Variants in FLNB observed in about 807,000 individuals in gnomAD.
The protein encoded by FLNB is filamin-B.
Under a neutral mutation model 250.6 loss-of-function variants are expected in FLNB, and 111 were observed. The observed-to-expected ratio is 0.44, with a 90% CI of 0.38 to 0.52. The LOEUF (loss-of-function observed/expected upper bound fraction) is 0.52. Ranked by LOEUF, FLNB falls within the 20% of genes least tolerant of loss-of-function variation. FLNB has a pLI of 0.00. For missense variants in FLNB, 2,869 were observed against 3,447.8 expected, an observed-to-expected ratio of 0.83 and a Z score of 4.20; for synonymous variants, 1,302 against 1,372.1, an observed-to-expected ratio of 0.95 and a Z score of 1.13.
chr3:58,086,370 C>T (rs527501630), intron 4 of FLNB, among the ~76,000 whole-genome samples: 11 of 152,102 alleles, frequency 7.2e-5, no homozygotes, highest in Admixed American at 5.2e-4. Flanking sequence ...AAATCTTAAG[C>T]AAAAGAAAAA....
At chr3:58,062,686 A>G (rs896541371) in intron 1 of FLNB, among the ~76,000 whole-genome samples, 1 of 152,214 alleles carries the variant, frequency 6.6e-6, no homozygotes, top group Non-Finnish European at 1.5e-5. Context: ...CTGCCAGTTC[A>G]TTCAGCAGCT....
chr3:58,052,641 C>T lies in FLNB; in HGVS notation c.293-24405C>T, dbSNP rs143189774. On this transcript the variant is annotated intron_variant, in intron 1 of 45. Coordinates refer to ENST00000295956, the MANE Select transcript of FLNB (RefSeq NM_001457.4). ...GTGGTCATGACATCGGTGTGGATGG[C>T]AGGTTGTCATCTGAGCAGTCAGGGT... Among the ~76,000 whole-genome samples, 43 of 152,332 alleles carry T rather than the reference C, an allele frequency of 2.8e-4. No individual in the cohort carries two copies. The East Asian group carries it at 8.3e-3, about 29-fold the overall frequency.
At position 58,014,223 on chromosome 3, in the gene FLNB, A is replaced by G. The variant is rs528237902; in HGVS notation, c.292+5367A>G. On this transcript the variant is annotated intron_variant, in intron 1 of 45. Coordinates refer to ENST00000295956, the MANE Select transcript of FLNB (RefSeq NM_001457.4). Reference sequence around the variant, plus strand: ...GAAATCAGCGCGCTCTGGGGAGAACAGCTTGGTTGGCTAAGGTTGATCCTA... The same window carrying G: ...GAAATCAGCGCGCTCTGGGGAGAACGGCTTGGTTGGCTAAGGTTGATCCTA... Among the ~76,000 whole-genome samples, 4 of 152,360 alleles carry G rather than the reference A, an allele frequency of 2.6e-5. No homozygotes were observed. In the East Asian group the frequency reaches 7.7e-4, roughly 29 times the overall value.
chr3:58,154,219 T>C (rs891911306), intron 39 of FLNB, among the ~76,000 whole-genome samples: 3 of 152,182 alleles, frequency 2.0e-5, no homozygotes, highest in Non-Finnish European at 4.4e-5. Flanking sequence ...GCTGGGATTA[T>C]AGGCATGAGC....
At chr3:58,108,609 G>A (rs757544241) in intron 13 of FLNB, 38 bp downstream of exon 13, 41 of 1,366,342 alleles carry the variant, frequency 3.0e-5, no homozygotes, top group Non-Finnish European at 3.6e-5. Flanking sequence ...GTAATTGTCA[G>A]GTAACAAGAT....
At position 58,148,718 on chromosome 3, in the gene FLNB, C is replaced by T. The variant is rs759405975; in HGVS notation, c.5957C>T (p.Ala1986Val). The T allele has an allele frequency of 6.2e-7, 1 of 1,614,084 alleles. No homozygotes were observed. Among genetic ancestry groups the T allele is most frequent in the Non-Finnish European group, 8.5e-7 (1 of 1,179,994 alleles). The part of the protein sequence containing the change: ...VSIKKNGNHV[A>V]NSPVSIMVVQ... ...ATCAAGAAAAATGGCAACCATGTGG[C>T]CAACAGCCCCGTGTCTATCATGGTG... Residue 1986 changes from alanine to valine, a missense_variant, in exon 36 of 46, where the codon GCC (alanine) becomes GTC (valine). Physicochemically the swap from Ala to Val is moderately conservative, Grantham distance 64 (BLOSUM62 0). This residue lies in a region of FLNB where 1,084 missense variants were observed against 1,315.5 expected (regional missense o/e 0.82). Transcript: ENST00000295956.
intron 41 of FLNB, 141 bp downstream of exon 41, chr3:58,156,216 A>G (rs2107297634): frequency 2.9e-6 from 2 of 686,776 alleles, no homozygotes; most frequent in South Asian, 1.6e-5. Flanking sequence ...GTCACTGGGG[A>G]GCTTTCCTGT....
At chr3:58,079,193 T>C (rs923365356) in intron 3 of FLNB, among the ~76,000 whole-genome samples, 1 of 152,186 alleles carries the variant, frequency 6.6e-6, no homozygotes, top group African/African-American at 2.4e-5. Context: ...TGACCATTTT[T>C]CAATCTACAT....
intron 39 of FLNB, 105 bp from the exon 40 acceptor site, chr3:58,154,686 G>T: frequency 8.1e-7 from 1 of 1,241,898 alleles, no homozygotes; most frequent in Admixed American, 1.7e-5. Flanking sequence ...AAGAGGAAAG[G>T]GCTAGCAACA....
In FLNB at chr3:58,169,395, G is replaced by GATCCT. The variant is rs1432758695; in HGVS notation, c.7418-193_7418-189dup. 3 of 619,202 alleles carry GATCCT rather than the reference G, an allele frequency of 4.8e-6. No homozygotes were observed. The highest frequency in any genetic ancestry group is 8.8e-6 in the Non-Finnish European group (3 of 340,282). 38.4% of individuals were successfully genotyped at this position (619,202 alleles called of 1,614,324 possible). ...ACTCATCCATTTGCCCAGAAAGCCA[G>GATCCT]ATCCTAGTTGTATGGGGGTGGGATC... is the stretch of plus-strand genomic sequence containing the variant. On this transcript the variant is annotated intron_variant, in intron 44 of 45. Transcript: ENST00000295956. The surrounding 1 kb of genome is among the most constrained non-coding windows in gnomAD (Gnocchi z 4.8).
At chr3:58,009,439 C>G (rs901471504) in intron 1 of FLNB, among the ~76,000 whole-genome samples, 20 of 152,144 alleles carry the variant, frequency 1.3e-4, no homozygotes, top group African/African-American at 4.6e-4. Context: ...AGGGTAGGCG[C>G]GGGTGTGTGT....
chr3:58,095,229 G>GTATGTATGTATGTATTTATT (rs140031981), intron 5 of FLNB, among the ~76,000 whole-genome samples: 2 of 147,708 alleles, frequency 1.4e-5, no homozygotes, highest in African/African-American at 5.1e-5. Flanking sequence ...GTTTATGTAT[G>GTATGTATGTATGTATTTATT]TATTTATTTA....
At chr3:58,156,648 A>G (rs2097353768) in intron 41 of FLNB, among the ~76,000 whole-genome samples, 2 of 152,308 alleles carry the variant, frequency 1.3e-5, no homozygotes, top group Admixed American at 1.3e-4. Context: ...GGAACCAGCT[A>G]GTATGAGGCA....
At chr3:58,128,316 TCTA>T (rs1233196563) in intron 24 of FLNB, among the ~76,000 whole-genome samples, 2 of 152,200 alleles carry the variant, frequency 1.3e-5, no homozygotes, top group African/African-American at 4.8e-5. Context: ...TCAGACTGAT[TCTA>T]CTCAGATACT....
At chr3:58,153,680 G>C (rs745776803) in intron 39 of FLNB, 39 bp downstream of exon 39, 4 of 1,612,074 alleles carry the variant, frequency 2.5e-6, no homozygotes, top group Non-Finnish European at 1.7e-6. Flanking sequence ...GGGAAGAATA[G>C]AGTTGAGCCC....
In FLNB at chr3:58,121,377, G is replaced by A; in HGVS notation, c.3000G>A (p.Glu1000=). Reference sequence around the variant, plus strand: ...TAGTGACACCTGTGACAGGCCGGGAGAACAGCACGGCCAAGTTCATCCCTC... The same window carrying A: ...TAGTGACACCTGTGACAGGCCGGGAAAACAGCACGGCCAAGTTCATCCCTC... The part of the protein sequence containing the change: ...PCLVTPVTGR[E]NSTAKFIPRE... Residue 1000 remains glutamate (E), a synonymous_variant, in exon 20 of 46, where the codon GAG becomes GAA. Coordinates refer to ENST00000295956, the MANE Select transcript of FLNB (RefSeq NM_001457.4). The A allele has an allele frequency of 1.2e-6, 2 of 1,614,176 alleles. No homozygotes were observed. The highest frequency in any genetic ancestry group is 2.2e-5 in the South Asian group (2 of 91,078).
At chr3:58,085,193 C>G (rs1339054279) in intron 4 of FLNB, among the ~76,000 whole-genome samples, 2 of 152,080 alleles carry the variant, frequency 1.3e-5, no homozygotes, top group African/African-American at 2.4e-5. Context: ...AGGGATATAC[C>G]CAGAAGTGGA....
chr3:58,108,433 GACTT>G lies in FLNB; in HGVS notation c.1942-21_1942-18del, dbSNP rs772738400. 3 of 1,481,536 alleles carry G rather than the reference GACTT, an allele frequency of 2.0e-6. No individual in the cohort carries two copies. The South Asian group carries it at 3.4e-5, about 17-fold the overall frequency. The allele number at this position is 1,481,536 out of a possible 1,614,324, so 91.8% of individuals were successfully genotyped here. A position where few individuals can be genotyped will look rare whatever the true frequency, so the allele number is the denominator to read the frequency against. ...TTAGTTGGGGCATTACACAGAAAGAGACTTACTATCTGCCTTTGCTTCAGGTTCG... is the reference window on the plus strand; with the variant it reads ...TTAGTTGGGGCATTACACAGAAAGAGACTATCTGCCTTTGCTTCAGGTTCG... On this transcript the variant is annotated intron_variant, in intron 12 of 45. Coordinates refer to ENST00000295956, the MANE Select transcript of FLNB (RefSeq NM_001457.4).
intron 1 of FLNB, among the ~76,000 whole-genome samples, chr3:58,040,088 T>G (rs1378224473): frequency 1.3e-5 from 2 of 152,156 alleles, no homozygotes; most frequent in East Asian, 1.9e-4. Flanking sequence ...GAGGTTGCAG[T>G]GAGCTGAGAC....
Sources: gnomAD v4.1 joint callset for allele counts (sites outside exome capture counted in the v4.1 genomes callset) on GRCh38, gnomAD v4.1.1 for gene constraint, gnomAD v4.1.1 regional missense constraint, Gnocchi (gnomAD v3.1) non-coding constraint, MANE v1.5 for transcripts, NCBI Gene and HGNC (gene_info 2026-07-23, HGNC 2026-07-21) for gene names.